RFTN1: variants seen among roughly 807,000 people sequenced by gnomAD.
RFTN1 encodes raftlin.
A neutral mutation model predicts 46.5 loss-of-function variants in RFTN1; 26 were observed. The observed-to-expected ratio is 0.56, with a 90% confidence interval of 0.41 to 0.78. The LOEUF is 0.78. RFTN1 is among the 30% of genes least tolerant of loss of function. The pLI, the probability that RFTN1 is intolerant of heterozygous loss-of-function variation, is 0.00. For missense variants in RFTN1, 693 were observed against 718.7 expected (o/e 0.96, Z 0.41); for synonymous variants, 261 against 284.2 (o/e 0.92, Z 0.82).
At position 16,370,337 on chromosome 3, in the gene RFTN1, G is replaced by T; in HGVS notation, c.827-58C>A. On this transcript the variant is annotated intron_variant, in intron 5 of 9. Transcript: ENST00000334133. The surrounding 1 kb of genome is among the most constrained non-coding windows in gnomAD (Gnocchi z 5.5). Reference sequence around the variant, plus strand: ...AGAGGTCAACTGATGATAAAAATCTGTTTCATCGGCTTAAGTGGAATCTCT... The same window carrying T: ...AGAGGTCAACTGATGATAAAAATCTTTTTCATCGGCTTAAGTGGAATCTCT... 1.3e-6 allele frequency: 2 copies of T among 1,524,076 alleles called. No individual in the cohort carries two copies. The highest frequency in any genetic ancestry group is 1.8e-6 in the Non-Finnish European group (2 of 1,098,878). The allele number at this position is 1,524,076 out of a possible 1,614,324, so 94.4% of individuals were successfully genotyped here.
rs970323022 is a variant in RFTN1, at chr3:16,317,413, C to T, written c.1333-181G>A. ...GCACACTATCACATCACACCCACCCCAAGAGCCTGCACCACACCTTCCAGG... is the reference window on the plus strand; with the variant it reads ...GCACACTATCACATCACACCCACCCTAAGAGCCTGCACCACACCTTCCAGG... On this transcript the variant is annotated intron_variant, in intron 9 of 9. Coordinates refer to ENST00000334133, the MANE Select transcript of RFTN1 (RefSeq NM_015150.2). This position sits in a 1 kb window ranked among gnomAD's most constrained non-coding sequence, Gnocchi z 4.3. Among the ~76,000 whole-genome samples the T allele has an allele frequency of 1.3e-5, 2 of 152,076 alleles. No individual in the cohort carries two copies. The highest frequency in any genetic ancestry group is 2.1e-4 in the South Asian group (1 of 4,816).
rs1575393466 is a variant in RFTN1, at chr3:16,510,541, T to C, written c.-9+2901A>G. Among the ~76,000 whole-genome samples, 3 of 152,248 alleles carry C rather than the reference T, an allele frequency of 2.0e-5. No homozygotes were observed. In the South Asian group the frequency reaches 6.2e-4, roughly 32 times the overall value. ...GGACTTCCTATGGCCCCTCCACCTA[T>C]AAAAACATGTTCCCCACTGCCTCAG... is the stretch of plus-strand genomic sequence containing the variant. On this transcript the variant is annotated intron_variant, in intron 1 of 9. Coordinates refer to ENST00000334133, the MANE Select transcript of RFTN1 (RefSeq NM_015150.2).
In RFTN1 at chr3:16,457,538, TTTCAGAAATATAAGCATTA is replaced by T. The variant is rs2075931859; in HGVS notation, c.146-23520_146-23502del. ...GTCTCAATACAGTTTTATGCTGAAATTTCAGAAATATAAGCATTACAAACTTACCTCAAATACCACTTAT... is the reference window on the plus strand; with the variant it reads ...GTCTCAATACAGTTTTATGCTGAAATCAAACTTACCTCAAATACCACTTAT... On this transcript the variant is annotated intron_variant, in intron 2 of 9. Transcript: ENST00000334133. This position sits in a 1 kb window ranked among gnomAD's most constrained non-coding sequence, Gnocchi z 4.2. Among the ~76,000 whole-genome samples the T allele has an allele frequency of 1.3e-5, 2 of 152,202 alleles. No individual in the cohort carries two copies. Among genetic ancestry groups the T allele is most frequent in the Non-Finnish European group, 2.9e-5 (2 of 68,032 alleles).
At chr3:16,408,341 T>A (rs2074909459) in intron 4 of RFTN1, among the ~76,000 whole-genome samples, 1 of 152,168 alleles carries the variant, frequency 6.6e-6, no homozygotes. Flanking sequence ...GCTGTTTTAT[T>A]CTCTGTATCC....
At chr3:16,495,901 T>G (rs2076617711) in intron 1 of RFTN1, among the ~76,000 whole-genome samples, 1 of 152,204 alleles carries the variant, frequency 6.6e-6, no homozygotes, top group South Asian at 2.1e-4. Context: ...GCAGTGCTGC[T>G]TCAGTAGGGG....
rs1427323424 is a variant in RFTN1 at position 16,341,050 on chromosome 3, T to C, written c.1147-14174A>G. Among the ~76,000 whole-genome samples the C allele has an allele frequency of 6.6e-6, 1 of 152,182 alleles. No homozygotes were observed. The highest frequency in any genetic ancestry group is 1.5e-5 in the Non-Finnish European group (1 of 68,026). On this transcript the variant is annotated intron_variant, in intron 7 of 9. Transcript: ENST00000334133. The surrounding 1 kb of genome is among the most constrained non-coding windows in gnomAD (Gnocchi z 4.7). ...ATATGCAGGTAGCAAATAATAAGCA[T>C]ATAAAAAGATGCTCAACATCATATG...
rs754457002 is a variant in RFTN1 at position 16,480,952 on chromosome 3, T to C, written c.145+12773A>G. Among the ~76,000 whole-genome samples, 8 of 151,692 alleles carry C rather than the reference T, an allele frequency of 5.3e-5. No individual in the cohort carries two copies. The highest frequency in any genetic ancestry group is 8.8e-5 in the Non-Finnish European group (6 of 67,954). On this transcript the variant is annotated intron_variant, in intron 2 of 9. Transcript: ENST00000334133. The surrounding 1 kb of genome is among the most constrained non-coding windows in gnomAD (Gnocchi z 4.3). ...CTGAAGGCAGGCTTAGTTGCTGAAA[T>C]TTACTGCTTGGGTTACACACATATG...
At position 16,491,754 on chromosome 3, in the gene RFTN1, AAAC is replaced by A. The variant is rs1259349545; in HGVS notation, c.145+1968_145+1970del. On this transcript the variant is annotated intron_variant, in intron 2 of 9. Transcript: ENST00000334133. ...AACACATAACCACGATGCAAAAAAC[AAAC>A]AAACAAACAAACAAAACAAACAAAA... 2.7e-5 allele frequency among the ~76,000 whole-genome samples: 4 copies of A among 146,338 alleles called. No individual in the cohort carries two copies. The East Asian group carries it at 7.9e-4, about 29-fold the overall frequency.
chr3:16,351,639 A>G lies in RFTN1; in HGVS notation c.1146+6293T>C, dbSNP rs900206223. On this transcript the variant is annotated intron_variant, in intron 7 of 9. Coordinates refer to ENST00000334133, the MANE Select transcript of RFTN1 (RefSeq NM_015150.2). This position sits in a 1 kb window ranked among gnomAD's most constrained non-coding sequence, Gnocchi z 5.4. Reference sequence around the variant, plus strand: ...GTAGCAGCTGCTTTCTAGGATGCTCATGCCCTTCTGACCTCACCAACTGAG... The same window carrying G: ...GTAGCAGCTGCTTTCTAGGATGCTCGTGCCCTTCTGACCTCACCAACTGAG... Among the ~76,000 whole-genome samples the G allele has an allele frequency of 3.3e-5, 5 of 152,214 alleles. No individual in the cohort carries two copies. The highest frequency in any genetic ancestry group is 1.2e-4 in the African/African-American group (5 of 41,456).
rs2069371604 is a variant in RFTN1, at chr3:16,323,913, G to A, written c.1251-456C>T. 2.6e-5 allele frequency among the ~76,000 whole-genome samples: 4 copies of A among 152,314 alleles called. No homozygotes were observed. In the South Asian group the frequency reaches 8.3e-4, roughly 32 times the overall value. On this transcript the variant is annotated intron_variant, in intron 8 of 9. Transcript: ENST00000334133. ...TGCATCCAGGGTCTCAGCCATGCAT[G>A]GCTCCTGCAGGCACACCAAAGACTG...
At chr3:16,325,945 G>C (rs2069644276) in intron 8 of RFTN1, among the ~76,000 whole-genome samples, 1 of 152,238 alleles carries the variant, frequency 6.6e-6, no homozygotes, top group South Asian at 2.1e-4. Context: ...TCAGCAGAGA[G>C]ACGGCCTGCT....
chr3:16,386,230 C>A (rs1343042480), intron 4 of RFTN1, among the ~76,000 whole-genome samples: 3 of 152,036 alleles, frequency 2.0e-5, no homozygotes, highest in Admixed American at 2.0e-4. Context: ...GCAGGGCTAG[C>A]AAAAGTGAAG....
Position 16,507,682 on chromosome 3 carries a change from AACACACACAT to A in RFTN1, c.-9+5750_-9+5759del, listed in dbSNP as rs1256047384. On this transcript the variant is annotated intron_variant, in intron 1 of 9. Coordinates refer to ENST00000334133, the MANE Select transcript of RFTN1 (RefSeq NM_015150.2). This position sits in a 1 kb window ranked among gnomAD's most constrained non-coding sequence, Gnocchi z 7.1. ...CATACATACACACACAATGCACATA[AACACACACAT>A]ACACACACATACATACACATACACA... Among the ~76,000 whole-genome samples the A allele has an allele frequency of 2.0e-5, 3 of 151,154 alleles. No individual in the cohort carries two copies. The highest frequency in any genetic ancestry group is 1.9e-4 in the East Asian group (1 of 5,178).
In RFTN1 at chr3:16,493,838, C is replaced by T. The variant is rs371904201; in HGVS notation, c.32G>A (p.Arg11His). 3.1e-5 allele frequency: 50 copies of T among 1,614,156 alleles called. No homozygotes were observed. In the African/African-American group the frequency reaches 4.5e-4, roughly 15 times the overall value. ...AATATTCCCAGGCCGTTTTTCATCA[C>T]GTTTCTCTAACTTGTTCAATCCGCA... MGCGLNKLEK[R>H]DEKRPGNIYS... is the part of the protein sequence containing the mutation. Residue 11 changes from arginine to histidine, a missense_variant, in exon 2 of 10, where the codon CGT (arginine) becomes CAT (histidine). Physicochemically the swap from Arg to His is conservative, Grantham distance 29. Coordinates refer to ENST00000334133, the MANE Select transcript of RFTN1 (RefSeq NM_015150.2).
At chr3:16,340,235 A>C (rs1481882667) in intron 7 of RFTN1, among the ~76,000 whole-genome samples, 1 of 152,244 alleles carries the variant, frequency 6.6e-6, no homozygotes, top group Non-Finnish European at 1.5e-5. Flanking sequence ...TTCTTTGGCC[A>C]ATAGTACATT....
intron 2 of RFTN1, among the ~76,000 whole-genome samples, chr3:16,455,018 C>G (rs1165248080): frequency 6.6e-6 from 1 of 152,190 alleles, no homozygotes; most frequent in African/African-American, 2.4e-5. Context: ...CCATGAAGAT[C>G]CCAGGTCTTC....
chr3:16,321,588 C>T lies in RFTN1; in HGVS notation c.1332+1788G>A, dbSNP rs2069061437. On this transcript the variant is annotated intron_variant, in intron 9 of 9. Transcript: ENST00000334133. This position sits in a 1 kb window ranked among gnomAD's most constrained non-coding sequence, Gnocchi z 4.8. The stretch of plus-strand genomic sequence containing the variant: ...TCTTCCAAGGAGTCTGGCTGTGAAG[C>T]CCCCCTCTCTGGAGGACTCCCATCT... Among the ~76,000 whole-genome samples, 1 of 152,118 alleles carries T rather than the reference C, an allele frequency of 6.6e-6. No homozygotes were observed. The highest frequency in any genetic ancestry group is 1.5e-5 in the Non-Finnish European group (1 of 68,010).
rs1015666151 is a variant in RFTN1 at position 16,385,204 on chromosome 3, A to G, written c.442-7102T>C. ...CATGAGTCTTTACAGTGAATATTTTATCAGACACACACAACCCTTCCCATC... is the reference window on the plus strand; with the variant it reads ...CATGAGTCTTTACAGTGAATATTTTGTCAGACACACACAACCCTTCCCATC... On this transcript the variant is annotated intron_variant, in intron 4 of 9. Coordinates refer to ENST00000334133, the MANE Select transcript of RFTN1 (RefSeq NM_015150.2). This position sits in a 1 kb window ranked among gnomAD's most constrained non-coding sequence, Gnocchi z 5.0. 3.2e-4 allele frequency among the ~76,000 whole-genome samples: 49 copies of G among 152,262 alleles called. No individual in the cohort carries two copies. The highest frequency in any genetic ancestry group is 1.0e-3 in the African/African-American group (43 of 41,554).
chr3:16,377,862 T>C lies in RFTN1; in HGVS notation c.682A>G (p.Arg228Gly). ...NQSPEPSSGP[R>G]GEVPLAKQPS... ...TGCTTGGCGAGGGGCACCTCCCCTC[T>C]GGGGCCTGAGCTGGGCTCTGGGCTT... The change falls in exon 5 of 10, where the codon AGA becomes GGA. Residue 228 changes from arginine (R) to glycine (G), a missense_variant. Coordinates refer to ENST00000334133, the MANE Select transcript of RFTN1 (RefSeq NM_015150.2). The C allele has an allele frequency of 6.2e-7, 1 of 1,614,194 alleles. No individual in the cohort carries two copies. Among genetic ancestry groups the C allele is most frequent in the South Asian group, 1.1e-5 (1 of 91,086 alleles).
Sources: allele counts gnomAD v4.1 joint callset (sites outside exome capture counted in the v4.1 genomes callset), GRCh38; gene constraint gnomAD v4.1.1; non-coding constraint Gnocchi (gnomAD v3.1); transcripts MANE v1.5; gene names NCBI Gene and HGNC (gene_info 2026-07-23, HGNC 2026-07-21).